Variants in BHMT2 observed in about 807,000 individuals in gnomAD.
The protein encoded by BHMT2 is betaine--homocysteine S-methyltransferase 2, also known as S-methylmethionine--homocysteine S-methyltransferase BHMT2.
In BHMT2, 28 loss-of-function variants were observed where a neutral mutation model predicts 39.0. The ratio of observed to expected loss-of-function variants is 0.72; its 90% confidence interval spans 0.53 to 0.98. BHMT2 has a LOEUF of 0.98. BHMT2 is among the 50% of genes least tolerant of loss of function. The pLI is 0.00. For synonymous variants in BHMT2, 145 were observed against 160.6 expected (o/e 0.90, Z 0.74); for missense variants, 410 against 455.6 (o/e 0.90, Z 0.91).
rs1215238410 is a variant in BHMT2 at position 79,083,291 on chromosome 5, C to T, written c.698C>T (p.Ala233Val). Residue 233 changes from alanine to valine, a missense_variant, in exon 6 of 8, where the codon GCG becomes GTG. Coordinates refer to ENST00000255192, the MANE Select transcript of BHMT2 (RefSeq NM_017614.5). ...KEGLEWAGLK[A>V]HLMVQPLGFH... is the part of the protein sequence containing the mutation. ...GGTCTTGAGTGGGCAGGGCTGAAAGCGCACCTCATGGTGCAGCCTCTGGGG... is the reference window on the plus strand; with the variant it reads ...GGTCTTGAGTGGGCAGGGCTGAAAGTGCACCTCATGGTGCAGCCTCTGGGG... 28 of 1,613,842 alleles carry T rather than the reference C, an allele frequency of 1.7e-5. No individual in the cohort carries two copies. In the East Asian group the frequency reaches 3.6e-4, roughly 21 times the overall value.
At chr5:79,084,504 C>G (rs1755857838) in intron 7 of BHMT2, among the ~76,000 whole-genome samples, 1 of 152,106 alleles carries the variant, frequency 6.6e-6, no homozygotes, top group African/African-American at 2.4e-5. Flanking sequence ...GAACTCCTGA[C>G]CTCGTAATCC....
chr5:79,082,728 T>C, intron 4 of BHMT2, 81 bp from the exon 5 acceptor site: 2 of 1,498,434 alleles, frequency 1.3e-6, no homozygotes, highest in Non-Finnish European at 1.8e-6. Flanking sequence ...GTAATTTTTA[T>C]AACTGTTTTG....
In BHMT2 at chr5:79,083,623, T is replaced by C. The variant is rs200339197; in HGVS notation, c.782-5T>C. The C allele has an allele frequency of 1.2e-4, 200 of 1,613,938 alleles. 2 individuals carry two copies. The Admixed American group carries it at 3.3e-3, about 26-fold the overall frequency. On this transcript the variant is annotated splice_region_variant and splice_polypyrimidine_tract_variant and intron_variant, in intron 6 of 7. Transcript: ENST00000255192. ...ACAGAAATGCTGTTAACTATTGTGA[T>C]TCAGGACTGGAGTCCAGAGTTGCCA...
chr5:79,072,279 GAAAGA>G (rs1162309652), intron 1 of BHMT2, among the ~76,000 whole-genome samples: 1 of 150,716 alleles, frequency 6.6e-6, no homozygotes, highest in East Asian at 1.9e-4. Context: ...AAAAAAAAAA[GAAAGA>G]AAAGAAAAGA....
rs768090719 is a variant in BHMT2 at position 79,082,804 on chromosome 5, C to T, written c.451-5C>T. 6.8e-6 allele frequency: 11 copies of T among 1,613,242 alleles called. No individual in the cohort carries two copies. The highest frequency in any genetic ancestry group is 2.7e-5 in the African/African-American group (2 of 74,984). Reference sequence around the variant, plus strand: ...GACCAGTAGAAAAAGTGACATTTCTCTTAGTATTTTGAGCACGTTGAAGAA... The same window carrying T: ...GACCAGTAGAAAAAGTGACATTTCTTTTAGTATTTTGAGCACGTTGAAGAA... On this transcript the variant is annotated splice_polypyrimidine_tract_variant and splice_region_variant and intron_variant, in intron 4 of 7. Transcript: ENST00000255192.
chr5:79,076,667 C>T (rs570785119), intron 1 of BHMT2, among the ~76,000 whole-genome samples: 2 of 113,938 alleles, frequency 1.8e-5, no homozygotes, highest in African/African-American at 7.3e-5. Flanking sequence ...TCAGTTTCCT[C>T]ATCTACACCT....
intron 1 of BHMT2, among the ~76,000 whole-genome samples, chr5:79,071,472 C>A (rs181130637): frequency 6.6e-6 from 1 of 152,308 alleles, no homozygotes; most frequent in Non-Finnish European, 1.5e-5. Context: ...CACCCTAGAG[C>A]TCGCTGTCAG....
intron 4 of BHMT2, among the ~76,000 whole-genome samples, chr5:79,082,164 A>G (rs926590480): frequency 1.3e-5 from 2 of 152,222 alleles, no homozygotes; most frequent in African/African-American, 4.8e-5. Flanking sequence ...AGTTGCCTTA[A>G]GGTCAGCTTT....
chr5:79,072,372 G>A (rs1755596433), intron 1 of BHMT2, among the ~76,000 whole-genome samples: 1 of 152,042 alleles, frequency 6.6e-6, no homozygotes, highest in Non-Finnish European at 1.5e-5. Context: ...GTTTCATAAA[G>A]ACACAGTCAA....
At chr5:79,077,405 C>G (rs987085164) in intron 1 of BHMT2, 75 bp from the exon 2 acceptor site, 23 of 1,542,592 alleles carry the variant, frequency 1.5e-5, no homozygotes, top group Middle Eastern at 1.8e-4. Flanking sequence ...ACCACTTCAC[C>G]TAAAATTAGA....
rs369119738 is a variant in BHMT2, at chr5:79,087,014, G to GTATATATATATATA, written c.1011-1464_1011-1451dup. On this transcript the variant is annotated intron_variant, in intron 7 of 7. Transcript: ENST00000255192. Reference sequence around the variant, plus strand: ...TGTGTATGTATGTGTGTGTGTGTGTGTATATATATATATATATATATATAT... The same window carrying GTATATATATATATA: ...TGTGTATGTATGTGTGTGTGTGTGTGTATATATATATATATATATATATATATATATATATATAT... Among the ~76,000 whole-genome samples the GTATATATATATATA allele has an allele frequency of 3.0e-3, 355 of 118,244 alleles. 4 individuals carry two copies. Among genetic ancestry groups the GTATATATATATATA allele is most frequent in the African/African-American group, 9.5e-3 (299 of 31,410 alleles). 77.6% of individuals were successfully genotyped at this position (118,244 alleles called of 152,430 possible). A position where few individuals can be genotyped will look rare whatever the true frequency, so the allele number is the denominator to read the frequency against.
chr5:79,073,281 A>G (rs1755614717), intron 1 of BHMT2, among the ~76,000 whole-genome samples: 1 of 152,106 alleles, frequency 6.6e-6, no homozygotes, highest in Non-Finnish European at 1.5e-5. Context: ...GATTCTTAAC[A>G]TGGTGAACCT....
intron 7 of BHMT2, among the ~76,000 whole-genome samples, chr5:79,084,664 A>G (rs1015585946): frequency 6.6e-6 from 1 of 152,180 alleles, no homozygotes; most frequent in Admixed American, 6.5e-5. Context: ...CAACATGTGC[A>G]TTGTGGGGAC....
intron 7 of BHMT2, among the ~76,000 whole-genome samples, chr5:79,086,540 G>A (rs575480998): frequency 1.1e-3 from 161 of 152,202 alleles, no homozygotes; most frequent in Non-Finnish European, 1.6e-3. Flanking sequence ...TTAGAAAAAC[G>A]TTCACTGCAG....
chr5:79,087,917 C>T (rs750337334), intron 7 of BHMT2, among the ~76,000 whole-genome samples: 2 of 152,182 alleles, frequency 1.3e-5, no homozygotes, highest in Non-Finnish European at 2.9e-5. Context: ...TGGTGGCTTA[C>T]ACCTGTAATC....
At chr5:79,086,169 C>T (rs1403078675) in intron 7 of BHMT2, among the ~76,000 whole-genome samples, 2 of 152,192 alleles carry the variant, frequency 1.3e-5, no homozygotes, top group Admixed American at 6.5e-5. Flanking sequence ...CTGTTGTCCT[C>T]CCCGGTAATT....
chr5:79,073,566 AG>A (rs2112693389), intron 1 of BHMT2, among the ~76,000 whole-genome samples: 1 of 152,334 alleles, frequency 6.6e-6, no homozygotes, highest in Admixed American at 6.5e-5. Flanking sequence ...ATATTTCAAA[AG>A]TACAAATTGA....
In BHMT2 at chr5:79,083,693, G is replaced by A. The variant is rs1755838251; in HGVS notation, c.847G>A (p.Gly283Arg). ...ATACGCCAGAGAGGCCTACAACCTGGGGGTCAGGTACATTGGCGGGTGCTG... is the reference window on the plus strand; with the variant it reads ...ATACGCCAGAGAGGCCTACAACCTGAGGGTCAGGTACATTGGCGGGTGCTG... ...QKYAREAYNL[G>R]VRYIGGCCGF... Residue 283 changes from glycine (G) to arginine (R), a missense_variant, in exon 7 of 8, where the codon GGG becomes AGG. Coordinates refer to ENST00000255192, the MANE Select transcript of BHMT2 (RefSeq NM_017614.5). The A allele has an allele frequency of 6.2e-7, 1 of 1,614,120 alleles. No individual in the cohort carries two copies. Among genetic ancestry groups the A allele is most frequent in the Non-Finnish European group, 8.5e-7 (1 of 1,180,026 alleles).
chr5:79,083,451 G>A (rs778763862), intron 6 of BHMT2, 77 bp downstream of exon 6: 18 of 1,510,042 alleles, frequency 1.2e-5, no homozygotes, highest in South Asian at 6.7e-5. Context: ...TTGTGGCCCA[G>A]TTTTACAATA....
Sources: allele counts gnomAD v4.1 joint callset (sites outside exome capture counted in the v4.1 genomes callset), GRCh38; gene constraint gnomAD v4.1.1; transcripts MANE v1.5; gene names NCBI Gene and HGNC (gene_info 2026-07-23, HGNC 2026-07-21).